POU6F2: variants seen among roughly 807,000 people sequenced by gnomAD.
The protein encoded by POU6F2 is POU domain, class 6, transcription factor 2.
In POU6F2, 31 loss-of-function variants were observed where a neutral mutation model predicts 71.3. The observed-to-expected ratio is 0.43, with a 90% CI of 0.33 to 0.59. The LOEUF (loss-of-function observed/expected upper bound fraction) is 0.59, where lower values mean the gene tolerates loss of function less well. Ranked by LOEUF, POU6F2 falls within the 20% of genes least tolerant of loss-of-function variation. The probability of loss-of-function intolerance (pLI) is 0.04; values close to 1 mark genes in which losing one functional copy is unlikely to be tolerated. For missense variants in POU6F2, 783 were observed against 856.8 expected (o/e 0.91, Z 1.07); for synonymous variants, 347 against 355.7 (o/e 0.98, Z 0.27).
Position 38,989,732 on chromosome 7 carries a change from GAT to G in POU6F2, c.105+11688_105+11689del, listed in dbSNP as rs111267923. Among the ~76,000 whole-genome samples, 8 of 149,766 alleles carry G rather than the reference GAT, an allele frequency of 5.3e-5. No individual in the cohort carries two copies. In the South Asian group the frequency reaches 8.4e-4, roughly 16 times the overall value. ...AAATAAAATATATCCTGAGAAGTAA[GAT>G]ATATATATATATAGAAAGAGAGACA... On this transcript the variant is annotated intron_variant, in intron 1 of 9. Coordinates refer to ENST00000518318, the MANE Select transcript of POU6F2 (RefSeq NM_001370959.1).
chr7:39,317,616 C>A (rs1218344142), intron 4 of POU6F2, among the ~76,000 whole-genome samples: 1 of 152,176 alleles, frequency 6.6e-6, no homozygotes, highest in Non-Finnish European at 1.5e-5. Flanking sequence ...GGAGGCCTTT[C>A]TAATTATATT....
intron 4 of POU6F2, among the ~76,000 whole-genome samples, chr7:39,264,579 T>C (rs1784204912): frequency 6.6e-6 from 1 of 152,172 alleles, no homozygotes; most frequent in Non-Finnish European, 1.5e-5. Flanking sequence ...GACTAAGATG[T>C]GGTGAGGTCA....
chr7:39,335,654 A>G (rs562000185), intron 4 of POU6F2, among the ~76,000 whole-genome samples: 3 of 152,348 alleles, frequency 2.0e-5, no homozygotes, highest in East Asian at 3.9e-4. Context: ...TAACATGGCA[A>G]TAACACCATC....
At chr7:39,062,765 T>TG (rs1443547013) in intron 1 of POU6F2, among the ~76,000 whole-genome samples, 1 of 150,624 alleles carries the variant, frequency 6.6e-6, no homozygotes, top group Non-Finnish European at 1.5e-5. Context: ...TAGAAGATAC[T>TG]GGGGGGCTGG....
intron 5 of POU6F2, among the ~76,000 whole-genome samples, chr7:39,391,159 C>T (rs1031775763): frequency 2.0e-5 from 3 of 152,114 alleles, no homozygotes; most frequent in Non-Finnish European, 2.9e-5. Context: ...ATCACATTTT[C>T]TTCTTGTTAC....
At chr7:39,254,702 C>G (rs1236284337) in intron 4 of POU6F2, among the ~76,000 whole-genome samples, 1 of 152,158 alleles carries the variant, frequency 6.6e-6, no homozygotes, top group African/African-American at 2.4e-5. Flanking sequence ...TTTTCTGGCT[C>G]CTTCCCATAA....
chr7:39,242,503 CTG>C (rs1200205622), intron 4 of POU6F2, among the ~76,000 whole-genome samples: 1 of 151,326 alleles, frequency 6.6e-6, no homozygotes, highest in African/African-American at 2.4e-5. Context: ...TTTGTCTACT[CTG>C]TATCTTTTTC....
intron 2 of POU6F2, among the ~76,000 whole-genome samples, chr7:39,163,725 G>A (rs1344325532): frequency 6.6e-6 from 1 of 152,152 alleles, no homozygotes; most frequent in East Asian, 1.9e-4. Context: ...CATGTTCATT[G>A]TAGCACTATT....
intron 4 of POU6F2, among the ~76,000 whole-genome samples, chr7:39,273,256 A>G (rs929859166): frequency 6.6e-6 from 1 of 152,156 alleles, no homozygotes; most frequent in African/African-American, 2.4e-5. Flanking sequence ...TCCAAAGAAC[A>G]GAGTGTAAAA....
intron 4 of POU6F2, among the ~76,000 whole-genome samples, chr7:39,250,863 T>C (rs1394082282): frequency 6.6e-6 from 1 of 152,232 alleles, no homozygotes; most frequent in Non-Finnish European, 1.5e-5. Context: ...AACATTTTCT[T>C]TTCAGTAAAA....
intron 1 of POU6F2, among the ~76,000 whole-genome samples, chr7:38,979,582 C>T (rs1788265374): frequency 6.6e-6 from 1 of 152,182 alleles, no homozygotes; most frequent in Admixed American, 6.5e-5. Flanking sequence ...TTTATATACT[C>T]TTAATACCTG....
At chr7:39,130,424 A>G (rs1313196621) in intron 2 of POU6F2, among the ~76,000 whole-genome samples, 4 of 152,202 alleles carry the variant, frequency 2.6e-5, no homozygotes, top group Admixed American at 2.6e-4. Context: ...AGTTGACAGT[A>G]CATGGAACAG....
intron 2 of POU6F2, among the ~76,000 whole-genome samples, chr7:39,147,568 G>T (rs1425284814): frequency 6.6e-6 from 1 of 152,170 alleles, no homozygotes; most frequent in East Asian, 1.9e-4. Flanking sequence ...GAAAGTCCCA[G>T]GCCAGGGTAG....
intron 4 of POU6F2, among the ~76,000 whole-genome samples, chr7:39,335,409 A>G (rs1226713760): frequency 6.6e-6 from 1 of 152,180 alleles, no homozygotes; most frequent in Non-Finnish European, 1.5e-5. Flanking sequence ...AGACCCTTCA[A>G]TTTAGGCTCA....
At position 39,301,822 on chromosome 7, in the gene POU6F2, C is replaced by A. The variant is rs542484537; in HGVS notation, c.599-37820C>A. Among the ~76,000 whole-genome samples, 7 of 152,274 alleles carry A rather than the reference C, an allele frequency of 4.6e-5. No individual in the cohort carries two copies. The South Asian group carries it at 1.2e-3, about 27-fold the overall frequency. ...GTGATTTGTGGATTTTATGGAGCCA[C>A]CAGTAGCCTATATTTTTCCAACTTA... On this transcript the variant is annotated intron_variant, in intron 4 of 9. Coordinates refer to ENST00000518318, the MANE Select transcript of POU6F2 (RefSeq NM_001370959.1).
Position 39,233,065 on chromosome 7 carries a change from TATTA to T in POU6F2, c.598+25453_598+25456del, listed in dbSNP as rs140755137. On this transcript the variant is annotated intron_variant, in intron 4 of 9. Transcript: ENST00000518318. Reference sequence around the variant, plus strand: ...GTTTTCTGACAAATTACGTGCAATTTATTAATTAATTCATTTATTTATCAGGTGT... The same window carrying T: ...GTTTTCTGACAAATTACGTGCAATTTATTAATTCATTTATTTATCAGGTGT... 5.1e-4 allele frequency among the ~76,000 whole-genome samples: 78 copies of T among 152,356 alleles called. 1 individual carries two copies. In the East Asian group the frequency reaches 0.012, roughly 24 times the overall value.
intron 2 of POU6F2, among the ~76,000 whole-genome samples, chr7:39,174,157 C>T (rs1427082868): frequency 2.0e-5 from 3 of 152,200 alleles, no homozygotes; most frequent in African/African-American, 7.2e-5. Flanking sequence ...TTTCTTTAAG[C>T]AGGAAGACAC....
chr7:39,129,624 TATAGATAGATAGATAGATAG>T (rs3999864), intron 2 of POU6F2, among the ~76,000 whole-genome samples: 32 of 149,346 alleles, frequency 2.1e-4, no homozygotes, highest in East Asian at 1.0e-3. Flanking sequence ...ACAATAGATA[TATAGATAGATAGATAGATAG>T]ATAGATAGAT....
intron 1 of POU6F2, among the ~76,000 whole-genome samples, chr7:39,019,649 CT>C (rs70977448): frequency 0.21 from 29,353 of 137,548 alleles, 3,093 homozygotes; most frequent in South Asian, 0.35. Flanking sequence ...TTTCTTTTTT[CT>C]TTTTTTTTTT....
Sources: allele counts gnomAD v4.1 joint callset (sites outside exome capture counted in the v4.1 genomes callset), GRCh38; gene constraint gnomAD v4.1.1; transcripts MANE v1.5; gene names NCBI Gene and HGNC (gene_info 2026-07-23, HGNC 2026-07-21).